Variants in PELP1 observed in about 807,000 individuals in gnomAD.
PELP1 encodes the protein proline-, glutamic acid- and leucine-rich protein 1.
PELP1 carries 32 observed loss-of-function variants against 95.5 expected under a neutral mutation model. That is an observed-to-expected ratio of 0.34 (90% confidence interval 0.25 to 0.45). The LOEUF (loss-of-function observed/expected upper bound fraction) is 0.45. PELP1 is among the 20% of genes least tolerant of loss of function. The pLI is 1.00. For synonymous variants in PELP1, 668 were observed against 600.1 expected, an observed-to-expected ratio of 1.11 and a Z score of -1.65; for missense variants, 1,358 against 1,444.8, an observed-to-expected ratio of 0.94 and a Z score of 0.97.
intron 3 of PELP1, among the ~76,000 whole-genome samples, chr17:4,684,020 T>G (rs762573651): frequency 1.3e-5 from 2 of 151,870 alleles, no homozygotes; most frequent in Admixed American, 6.6e-5. Context: ...ATAACAAGAC[T>G]GTGCCATCTC....
chr17:4,681,875 G>A (rs988042000), intron 5 of PELP1, among the ~76,000 whole-genome samples: 1 of 151,920 alleles, frequency 6.6e-6, no homozygotes, highest in Non-Finnish European at 1.5e-5. Flanking sequence ...AATAAAGTAA[G>A]ATAGGGGGCC....
rs554486009 is a variant in PELP1, at chr17:4,690,250, A to G, written c.420+638T>C. On this transcript the variant is annotated intron_variant, in intron 3 of 16. Coordinates refer to ENST00000572293, the MANE Select transcript of PELP1 (RefSeq NM_014389.3). ...GAGGACGCAAAGGCATAAAAATGAT[A>G]TAATGAACTCTGAGGACTCGGGCGG... 7.2e-5 allele frequency among the ~76,000 whole-genome samples: 11 copies of G among 152,262 alleles called. No individual in the cohort carries two copies. In the South Asian group the frequency reaches 2.3e-3, roughly 32 times the overall value.
chr17:4,681,346 G>A (rs759539393), intron 5 of PELP1, among the ~76,000 whole-genome samples: 2 of 151,466 alleles, frequency 1.3e-5, no homozygotes, highest in African/African-American at 2.4e-5. Context: ...TTAGCTGGGC[G>A]TGGTGGCATA....
chr17:4,674,826 G>C lies in PELP1; in HGVS notation c.1405C>G (p.Pro469Ala), dbSNP rs555011224. Residue 469 changes from proline (P) to alanine (A), a missense_variant, in exon 12 of 17, where the codon CCA (proline) becomes GCA (alanine). By Grantham distance (27) the Pro-to-Ala change is conservative (BLOSUM62 -1). Around this residue, in one of 7 missense-constraint regions of PELP1, gnomAD observed 538 missense variants for 628.1 expected, o/e 0.86. Coordinates refer to ENST00000572293, the MANE Select transcript of PELP1 (RefSeq NM_014389.3). ...LTHLLSDISP[P>A]ADALKLRSPR... ...CTCCTCACCTTAAGGGCATCAGCTG[G>C]CGGGGAGATGTCGCTGAGCAGGTGG... 1 of 1,612,502 alleles carries C rather than the reference G, an allele frequency of 6.2e-7. No homozygotes were observed. The highest frequency in any genetic ancestry group is 1.1e-5 in the South Asian group (1 of 90,994).
intron 3 of PELP1, among the ~76,000 whole-genome samples, chr17:4,686,045 C>T (rs1455645976): frequency 2.0e-5 from 3 of 151,954 alleles, no homozygotes; most frequent in South Asian, 2.1e-4. Flanking sequence ...TGCAGTGAGC[C>T]GAGACCGCGC....
Position 4,672,839 on chromosome 17 carries a change from A to G in PELP1, c.2152T>C (p.Ser718Pro). 6.2e-7 allele frequency: 1 copy of G among 1,613,892 alleles called. No individual in the cohort carries two copies. Among genetic ancestry groups the G allele is most frequent in the South Asian group, 1.1e-5 (1 of 91,076 alleles). ...CCAGGAAGAAGCCGGGGAGGGACAG[A>G]CACTAGGCCTGGGACAGAAAGGCCT... is the stretch of plus-strand genomic sequence containing the variant. ...HLGLSVPGLV[S>P]VPPRLLPGPE... Residue 718 changes from serine (S) to proline (P), a missense_variant, in exon 16 of 17, where the codon TCT becomes CCT. Around this residue, in one of 7 missense-constraint regions of PELP1, gnomAD observed 340 missense variants for 322.9 expected, o/e 1.05. Transcript: ENST00000572293.
At chr17:4,684,935 G>A (rs1220637333) in intron 3 of PELP1, among the ~76,000 whole-genome samples, 1 of 152,064 alleles carries the variant, frequency 6.6e-6, no homozygotes, top group Non-Finnish European at 1.5e-5. Context: ...TCCTGACCTC[G>A]TTATCTGCCT....
At chr17:4,701,694 T>C (rs1020876876) in intron 1 of PELP1, among the ~76,000 whole-genome samples, 3 of 152,200 alleles carry the variant, frequency 2.0e-5, no homozygotes, top group African/African-American at 2.4e-5. Flanking sequence ...TGACTTTCAT[T>C]TCTCATCTTA....
At chr17:4,676,295 C>A in intron 7 of PELP1, 62 bp downstream of exon 7, 3 of 1,585,780 alleles carry the variant, frequency 1.9e-6, no homozygotes, top group Non-Finnish European at 2.6e-6. Context: ...GGGCTCCCCT[C>A]CTGTTCCTTC....
In PELP1 at chr17:4,690,883, C is replaced by A. The variant is rs775114942; in HGVS notation, c.420+5G>T. The A allele has an allele frequency of 6.3e-7, 1 of 1,594,264 alleles. No homozygotes were observed. The highest frequency in any genetic ancestry group is 1.7e-5 in the Admixed American group (1 of 59,948). ...GAGGAAGTAGGGCAGCAGCTGAAAC[C>A]TCACCTGTAACACCTGCTGAATGCT... On this transcript the variant is annotated splice_donor_5th_base_variant and intron_variant, in intron 3 of 16. Transcript: ENST00000572293.
rs1313845099 is a variant in PELP1, at chr17:4,676,440, G to C, written c.770C>G (p.Thr257Ser). ...GAGFSQGLKH[T>S]ESWEQELHSL... The stretch of plus-strand genomic sequence containing the variant: ...GTGTAGCTCCTGCTCCCAGCTCTCG[G>C]TGTGCTTCAGGCCTTGGGAAAAGCC... Residue 257 changes from threonine (T) to serine (S), a missense_variant, in exon 7 of 17, where the codon ACC (threonine) becomes AGC (serine). Physicochemically the swap from Thr to Ser is moderately conservative, Grantham distance 58. Transcript: ENST00000572293. The C allele has an allele frequency of 1.9e-6, 3 of 1,613,806 alleles. No homozygotes were observed. Among genetic ancestry groups the C allele is most frequent in the Non-Finnish European group, 2.5e-6 (3 of 1,179,838 alleles).
At chr17:4,676,666 G>C in intron 6 of PELP1, 87 bp downstream of exon 6, 8 of 1,392,200 alleles carry the variant, frequency 5.7e-6, no homozygotes, top group Non-Finnish European at 8.0e-6. Context: ...GGCATATGAA[G>C]GCAGGACAGA....
Position 4,671,726 on chromosome 17 carries a change from C to G in PELP1, c.3265G>C (p.Glu1089Gln). The change falls in exon 16 of 17, where the codon GAG (glutamate) becomes CAG (glutamine). Residue 1089 changes from glutamate (E) to glutamine (Q), a missense_variant. This residue lies in a region of PELP1 where 283 missense variants were observed against 284.1 expected (regional missense o/e 1.00). Transcript: ENST00000572293. ...AGAGCTTCGGCCTCTGTCTCTGTCTCCATCTCTTCTTCTGCAGGTGTCTCT... is the reference window on the plus strand; with the variant it reads ...AGAGCTTCGGCCTCTGTCTCTGTCTGCATCTCTTCTTCTGCAGGTGTCTCT... ...PPETPAEEEM[E>Q]TETEAEALQE... The G allele has an allele frequency of 6.5e-7, 1 of 1,541,218 alleles. No individual in the cohort carries two copies. Among genetic ancestry groups the G allele is most frequent in the South Asian group, 1.3e-5 (1 of 77,358 alleles).
At chr17:4,683,420 C>G (rs1158602668) in intron 3 of PELP1, among the ~76,000 whole-genome samples, 1 of 151,488 alleles carries the variant, frequency 6.6e-6, no homozygotes, top group Non-Finnish European at 1.5e-5. Flanking sequence ...CGGGGTTTCA[C>G]TATGTTAGCC....
At chr17:4,702,841 T>C (rs544799828) in intron 1 of PELP1, among the ~76,000 whole-genome samples, 2 of 152,256 alleles carry the variant, frequency 1.3e-5, no homozygotes, top group South Asian at 2.1e-4. Flanking sequence ...GAGATTGTTA[T>C]AAGGAGCAGC....
chr17:4,674,954 G>A lies in PELP1; in HGVS notation c.1277C>T (p.Thr426Met), dbSNP rs746169084. 1.7e-5 allele frequency: 28 copies of A among 1,609,982 alleles called. No homozygotes were observed. Among genetic ancestry groups the A allele is most frequent in the Middle Eastern group, 1.6e-4 (1 of 6,072 alleles). ...LSPGQERPYS[T>M]VRTKVYAILE... ...TATCGCATACACCTTGGTCCGAACCGTGCTGTGTCATGAGCAAAGATGGCA... is the reference window on the plus strand; with the variant it reads ...TATCGCATACACCTTGGTCCGAACCATGCTGTGTCATGAGCAAAGATGGCA... Residue 426 changes from threonine to methionine, a missense_variant and splice_region_variant, in exon 12 of 17, where the codon ACG (threonine) becomes ATG (methionine). Around this residue, in one of 7 missense-constraint regions of PELP1, gnomAD observed 538 missense variants for 628.1 expected, o/e 0.86. Transcript: ENST00000572293.
At position 4,703,926 on chromosome 17, in the gene PELP1, C is replaced by A. The variant is rs1186662895; in HGVS notation, c.186G>T (p.Ser62=). The change falls in exon 1 of 17, where the codon TCG becomes TCT. Residue 62 remains serine, a synonymous_variant. Transcript: ENST00000572293. ...ACATGAGCCCGGGCAAATGTGGGGC[C>A]GAGCGGTTTGGGGGATGCACCGGAG... The part of the protein sequence containing the change: ...AVAPVHPPNR[S]APHLPGLMCL... 8 of 1,613,420 alleles carry A rather than the reference C, an allele frequency of 5.0e-6. No individual in the cohort carries two copies. In the African/African-American group the frequency reaches 1.1e-4, roughly 22 times the overall value.
chr17:4,683,385 TA>T, intron 3 of PELP1, among the ~76,000 whole-genome samples: 1 of 151,884 alleles, frequency 6.6e-6, no homozygotes, highest in Non-Finnish European at 1.5e-5. Flanking sequence ...CACGCCTGAC[TA>T]ATTTTTTGTA....
intron 5 of PELP1, among the ~76,000 whole-genome samples, 167 bp downstream of exon 5, chr17:4,682,335 G>C (rs183273323): frequency 1.3e-5 from 2 of 152,188 alleles, no homozygotes; most frequent in Admixed American, 6.5e-5. Context: ...TTGGAAAAAC[G>C]AGGGTTAAAT....
Sources: gnomAD v4.1 joint callset for allele counts (sites outside exome capture counted in the v4.1 genomes callset) on GRCh38, gnomAD v4.1.1 for gene constraint, gnomAD v4.1.1 regional missense constraint, MANE v1.5 for transcripts, NCBI Gene and HGNC (gene_info 2026-07-23, HGNC 2026-07-21) for gene names.